The following POPDC3 variants were observed in gnomAD, a reference collection of about 807,000 sequenced individuals.
The protein encoded by POPDC3 is popeye domain-containing protein 3.
A neutral mutation model predicts 28.2 loss-of-function variants in POPDC3; 20 were observed. The observed-to-expected ratio is 0.71, with a 90% CI of 0.50 to 1.03. POPDC3 has a LOEUF of 1.03. POPDC3 is among the 50% of genes least tolerant of loss of function. POPDC3 has a pLI of 0.00. For missense variants in POPDC3, 316 were observed against 345.9 expected (o/e 0.91, Z 0.69); for synonymous variants, 118 against 124.1 (o/e 0.95, Z 0.33).
chr6:105,173,249 G>T (rs1774615174), intron 1 of POPDC3, among the ~76,000 whole-genome samples: 1 of 152,150 alleles, frequency 6.6e-6, no homozygotes, highest in East Asian at 1.9e-4. Context: ...AATAAGCTGA[G>T]ATTCCACAAA....
intron 1 of POPDC3, among the ~76,000 whole-genome samples, chr6:105,175,850 A>G (rs1401981399): frequency 6.7e-6 from 1 of 150,194 alleles, no homozygotes; most frequent in Non-Finnish European, 1.5e-5. Flanking sequence ...CTCAAAAAAT[A>G]AATAAAGAAA....
At chr6:105,173,324 TTTCTTTATAACATAGAGGAAA>T (rs1335707538) in intron 1 of POPDC3, among the ~76,000 whole-genome samples, 3 of 152,216 alleles carry the variant, frequency 2.0e-5, no homozygotes, top group African/African-American at 4.8e-5. Flanking sequence ...GAGGTTAAAT[TTTCTTTATAACATAGAGGAAA>T]AGGTACTAGC....
chr6:105,158,912 T>C (rs1029626728), intron 3 of POPDC3, 161 bp from the exon 4 acceptor site: 3 of 550,746 alleles, frequency 5.4e-6, no homozygotes, highest in African/African-American at 1.9e-5. Flanking sequence ...AACTACAAAA[T>C]TCGTTACTAC....
intron 1 of POPDC3, among the ~76,000 whole-genome samples, chr6:105,162,731 A>G (rs1774367369): frequency 6.6e-6 from 1 of 152,190 alleles, no homozygotes; most frequent in African/African-American, 2.4e-5. Context: ...AAGACTCTGT[A>G]TTAATACATA....
In POPDC3 at chr6:105,159,638, T is replaced by C. The variant is rs549830174; in HGVS notation, c.594+73A>G. ...TTCTTGTCTTATCCACTGTTGTTTATTTGTTTACTTATTTTTAAACAAACA... is the reference window on the plus strand; with the variant it reads ...TTCTTGTCTTATCCACTGTTGTTTACTTGTTTACTTATTTTTAAACAAACA... On this transcript the variant is annotated intron_variant, in intron 3 of 3. Transcript: ENST00000254765. 1.3e-5 allele frequency: 11 copies of C among 840,864 alleles called. No homozygotes were observed. In the South Asian group the frequency reaches 1.6e-4, roughly 12 times the overall value. The allele number at this position is 840,864 out of a possible 1,614,324, so 52.1% of individuals were successfully genotyped here.
intron 1 of POPDC3, among the ~76,000 whole-genome samples, chr6:105,176,645 C>T (rs1194637384): frequency 6.6e-6 from 1 of 152,162 alleles, no homozygotes; most frequent in Non-Finnish European, 1.5e-5. Context: ...CAAGCTCCGC[C>T]TCCCAGGTCC....
chr6:105,173,390 T>C (rs759815606), intron 1 of POPDC3, among the ~76,000 whole-genome samples: 16 of 152,242 alleles, frequency 1.1e-4, no homozygotes, highest in African/African-American at 3.6e-4. Context: ...AGAACAATTA[T>C]AATGTAACAT....
chr6:105,171,950 C>T lies in POPDC3; in HGVS notation c.-252+7883G>A, dbSNP rs536385439. The stretch of plus-strand genomic sequence containing the variant: ...CCTCCCATCTTGGCCTCCCAAAGTG[C>T]TGGGATTACAGGCGTGAGCCACTGT... On this transcript the variant is annotated intron_variant, in intron 1 of 3. Coordinates refer to ENST00000254765, the MANE Select transcript of POPDC3 (RefSeq NM_022361.5). 1.3e-3 allele frequency among the ~76,000 whole-genome samples: 195 copies of T among 151,222 alleles called. 1 individual carries two copies. The highest frequency in any genetic ancestry group is 2.2e-3 in the Non-Finnish European group (147 of 67,808).
At chr6:105,176,574 T>A (rs201719805) in intron 1 of POPDC3, among the ~76,000 whole-genome samples, 1 of 151,874 alleles carries the variant, frequency 6.6e-6, no homozygotes, top group Non-Finnish European at 1.5e-5. Context: ...GTTTTTTTTT[T>A]AAGACAGAGT....
intron 1 of POPDC3, among the ~76,000 whole-genome samples, chr6:105,170,764 T>C (rs547916204): frequency 6.6e-6 from 1 of 152,342 alleles, no homozygotes; most frequent in African/African-American, 2.4e-5. Flanking sequence ...GGGTTAGTGA[T>C]ATAACACTTA....
chr6:105,164,959 A>C (rs1273700720), intron 1 of POPDC3, among the ~76,000 whole-genome samples: 1 of 152,260 alleles, frequency 6.6e-6, no homozygotes, highest in Admixed American at 6.5e-5. Flanking sequence ...CTGCTGGCAA[A>C]TTAGCTAGAA....
intron 2 of POPDC3, among the ~76,000 whole-genome samples, chr6:105,161,061 C>G (rs1418945550): frequency 1.3e-5 from 2 of 152,150 alleles, no homozygotes; most frequent in African/African-American, 2.4e-5. Context: ...AAAGCCCTAT[C>G]AAAGAGTCTT....
chr6:105,167,283 C>CT (rs1447052111), intron 1 of POPDC3, among the ~76,000 whole-genome samples: 3 of 140,420 alleles, frequency 2.1e-5, no homozygotes, highest in African/African-American at 3.2e-5. Flanking sequence ...ATCTGATGCT[C>CT]TGAGTAGCAG....
intron 1 of POPDC3, among the ~76,000 whole-genome samples, chr6:105,172,787 C>G (rs1562157020): frequency 6.8e-6 from 1 of 147,884 alleles, no homozygotes; most frequent in Non-Finnish European, 1.5e-5. Context: ...ATTGCAAGGA[C>G]AAAAAACCAA....
At chr6:105,167,834 T>C (rs1774489574) in intron 1 of POPDC3, among the ~76,000 whole-genome samples, 1 of 152,180 alleles carries the variant, frequency 6.6e-6, no homozygotes, top group Non-Finnish European at 1.5e-5. Context: ...AATAGTGGGT[T>C]AAGTAAAACC....
chr6:105,161,331 A>G, intron 2 of POPDC3, 94 bp downstream of exon 2: 1 of 1,429,092 alleles, frequency 7.0e-7, no homozygotes, highest in South Asian at 1.4e-5. Flanking sequence ...AATGCCACCC[A>G]GGACTATGTG....
At chr6:105,178,790 A>G (rs1774728259) in intron 1 of POPDC3, 2 of 985,222 alleles carry the variant, frequency 2.0e-6, no homozygotes, top group Non-Finnish European at 2.4e-6. Flanking sequence ...TCACAAGAGG[A>G]TATTTTCATG....
intron 1 of POPDC3, chr6:105,166,617 C>T (rs780815972): frequency 4.2e-6 from 2 of 471,168 alleles, no homozygotes; most frequent in South Asian, 3.1e-5. Flanking sequence ...CGTTTTCCTT[C>T]CGTACACTCA....
Position 105,159,707 on chromosome 6 carries a change from T to C in POPDC3, c.594+4A>G, listed in dbSNP as rs1318502021. On this transcript the variant is annotated splice_donor_region_variant and intron_variant, in intron 3 of 3. Transcript: ENST00000254765. The stretch of plus-strand genomic sequence containing the variant: ...TGCTAACTGTGTGTTCTGGTATCCC[T>C]TACCTGAAAAATGCCTTCCTCTGTG... The C allele has an allele frequency of 6.4e-7, 1 of 1,554,968 alleles. No individual in the cohort carries two copies.
Sources: allele counts gnomAD v4.1 joint callset (sites outside exome capture counted in the v4.1 genomes callset), GRCh38; gene constraint gnomAD v4.1.1; transcripts MANE v1.5; gene names NCBI Gene and HGNC (gene_info 2026-07-23, HGNC 2026-07-21).